The following PPARGC1A variants were observed in gnomAD, a reference collection of about 807,000 sequenced individuals.
PPARGC1A encodes PPARG coactivator 1 alpha.
Under a neutral mutation model 88.7 loss-of-function variants are expected in PPARGC1A, and 25 were observed. That is an observed-to-expected ratio of 0.28 (90% confidence interval 0.21 to 0.39). The LOEUF (loss-of-function observed/expected upper bound fraction) is 0.39, where lower values mean the gene tolerates loss of function less well. PPARGC1A is among the 10% of genes least tolerant of loss of function. The pLI, the probability that PPARGC1A is intolerant of heterozygous loss-of-function variation, is 1.00. For missense variants in PPARGC1A, 880 were observed against 968.7 expected (o/e 0.91, Z 1.22); for synonymous variants, 363 against 355.6 (o/e 1.02, Z -0.24).
chr4:24,425,565 A>G, the PPARGC1A span, among the ~76,000 whole-genome samples: 5 of 152,234 alleles, frequency 3.3e-5, no homozygotes, highest in African/African-American at 1.2e-4. Context: ...ATGCTCCTTC[A>G]TAAGTCCAGA....
the PPARGC1A span, among the ~76,000 whole-genome samples, chr4:24,173,338 C>A: frequency 1.7e-5 from 2 of 117,588 alleles, no homozygotes; most frequent in Admixed American, 8.7e-5. Flanking sequence ...CTTTCCCCAC[C>A]AAAAAAAAAA....
intron 2 of PPARGC1A, among the ~76,000 whole-genome samples, chr4:23,855,022 C>T (rs1400227080): frequency 6.6e-6 from 1 of 152,084 alleles, no homozygotes; most frequent in Non-Finnish European, 1.5e-5. Context: ...ATAACTGAAT[C>T]GTGGGGGCGC....
chr4:24,276,603 C>T, the PPARGC1A span, among the ~76,000 whole-genome samples: 16 of 152,220 alleles, frequency 1.1e-4, no homozygotes, highest in Admixed American at 2.0e-4. Context: ...TCTTTGCCCC[C>T]GAAATTATTA....
At chr4:24,164,252 T>C in the PPARGC1A span, among the ~76,000 whole-genome samples, 12 of 152,146 alleles carry the variant, frequency 7.9e-5, no homozygotes, top group Non-Finnish European at 1.5e-4. Flanking sequence ...GTGGGGCTGG[T>C]ACCCGATGCA....
chr4:23,819,283 G>T (rs1560367840), intron 7 of PPARGC1A, among the ~76,000 whole-genome samples: 1 of 152,268 alleles, frequency 6.6e-6, no homozygotes, highest in East Asian at 1.9e-4. Context: ...TGGCACAGAA[G>T]ACTATCCAAC....
chr4:23,913,151 T>A, the PPARGC1A span, among the ~76,000 whole-genome samples: 10,828 of 145,372 alleles, frequency 0.074, 690 homozygotes, highest in East Asian at 0.32. Flanking sequence ...ACATACACTC[T>A]CTCTCTCTCA....
chr4:23,874,718 T>G (rs1373648905), intron 2 of PPARGC1A, among the ~76,000 whole-genome samples: 1 of 152,230 alleles, frequency 6.6e-6, no homozygotes, highest in African/African-American at 2.4e-5. Context: ...TGTACCACTT[T>G]CTTGATCAGG....
At chr4:24,373,460 A>G in the PPARGC1A span, among the ~76,000 whole-genome samples, 1 of 152,248 alleles carries the variant, frequency 6.6e-6, no homozygotes, top group Non-Finnish European at 1.5e-5. Context: ...GGAAGGGAAC[A>G]CGCTAAAATG....
At chr4:24,353,047 G>A in the PPARGC1A span, among the ~76,000 whole-genome samples, 11 of 152,252 alleles carry the variant, frequency 7.2e-5, no homozygotes, top group African/African-American at 2.6e-4. Context: ...TGGGACTATT[G>A]AATGGCGGGT....
At chr4:24,183,957 A>G in the PPARGC1A span, among the ~76,000 whole-genome samples, 2 of 152,360 alleles carry the variant, frequency 1.3e-5, no homozygotes, top group African/African-American at 4.8e-5. Flanking sequence ...GCTTTCAAAA[A>G]AGTAAAACAA....
the PPARGC1A span, among the ~76,000 whole-genome samples, chr4:24,320,462 C>A: frequency 1.3e-5 from 2 of 152,170 alleles, no homozygotes; most frequent in African/African-American, 4.8e-5. Context: ...ATGATACACA[C>A]ACTCCTTCTC....
chr4:24,382,284 A>G, the PPARGC1A span, among the ~76,000 whole-genome samples: 1 of 152,228 alleles, frequency 6.6e-6, no homozygotes, highest in African/African-American at 2.4e-5. Context: ...ATTTAATTAT[A>G]AATTATACGT....
the PPARGC1A span, among the ~76,000 whole-genome samples, chr4:24,060,007 A>G: frequency 1.3e-5 from 2 of 152,206 alleles, no homozygotes; most frequent in African/African-American, 2.4e-5. Context: ...GGGACGTCAC[A>G]GCAGGCACCA....
chr4:24,132,109 A>G, the PPARGC1A span, among the ~76,000 whole-genome samples: 2 of 152,278 alleles, frequency 1.3e-5, no homozygotes, highest in East Asian at 3.9e-4. Flanking sequence ...TCCTTTCAAC[A>G]ACCCCGTGAG....
At chr4:24,258,033 T>C in the PPARGC1A span, among the ~76,000 whole-genome samples, 3 of 152,124 alleles carry the variant, frequency 2.0e-5, no homozygotes, top group African/African-American at 7.2e-5. Flanking sequence ...ATCTGACATA[T>C]TGTCAAAACA....
At chr4:23,864,491 C>G (rs1399321982) in intron 2 of PPARGC1A, among the ~76,000 whole-genome samples, 1 of 152,214 alleles carries the variant, frequency 6.6e-6, no homozygotes, top group African/African-American at 2.4e-5. Flanking sequence ...GGAGTAGCAG[C>G]AACCAGCCCT....
chr4:23,991,005 G>C, the PPARGC1A span, among the ~76,000 whole-genome samples: 1 of 60,890 alleles, frequency 1.6e-5, no homozygotes, highest in African/African-American at 5.2e-5. Context: ...ATCCTCATAA[G>C]TAGAAGACAT....
the PPARGC1A span, among the ~76,000 whole-genome samples, chr4:24,294,864 C>T: frequency 1.3e-5 from 2 of 152,216 alleles, no homozygotes. Flanking sequence ...ACCTAGTCAG[C>T]TTTTTGAGAG....
At chr4:24,298,392 T>C in the PPARGC1A span, among the ~76,000 whole-genome samples, 3 of 152,134 alleles carry the variant, frequency 2.0e-5, no homozygotes, top group Non-Finnish European at 4.4e-5. Context: ...ATGGGAATGA[T>C]AGTAGTATAC....
Sources: allele counts gnomAD v4.1 joint callset (sites outside exome capture counted in the v4.1 genomes callset), GRCh38; gene constraint gnomAD v4.1.1; transcripts MANE v1.5; gene names NCBI Gene and HGNC (gene_info 2026-07-23, HGNC 2026-07-21).